The following PRR16 variants were observed in gnomAD, a reference collection of about 807,000 sequenced individuals.
PRR16 encodes the protein proline rich 16.
In PRR16, 6 loss-of-function variants were observed where a neutral mutation model predicts 18.2. The ratio of observed to expected loss-of-function variants is 0.33; its 90% CI spans 0.18 to 0.65. The LOEUF (loss-of-function observed/expected upper bound fraction) is 0.65. PRR16 is among the 30% of genes least tolerant of loss of function. The pLI is 0.74. For synonymous variants in PRR16, 151 were observed against 147.8 expected (o/e 1.02, Z -0.16); for missense variants, 412 against 376.6 (o/e 1.09, Z -0.78).
chr5:120,790,142 C>G, the PRR16 span: 1 of 152,130 alleles, frequency 6.6e-6, no homozygotes, highest in African/African-American at 2.4e-5. Flanking sequence ...ATAAAATCAT[C>G]TTCCTCTATC....
the PRR16 span, among the ~76,000 whole-genome samples, chr5:120,734,416 T>G: frequency 6.6e-6 from 1 of 152,194 alleles, no homozygotes; most frequent in East Asian, 1.9e-4. Context: ...TTCTTTTCAC[T>G]AGGAAGGAAA....
chr5:120,514,268 G>T (rs550658802), intron 1 of PRR16, among the ~76,000 whole-genome samples: 2 of 152,258 alleles, frequency 1.3e-5, no homozygotes, highest in African/African-American at 4.8e-5. Context: ...TTGCCTGGAA[G>T]TTCTCTGAAA....
At chr5:120,553,967 TTC>T (rs750403984) in intron 1 of PRR16, among the ~76,000 whole-genome samples, 8 of 151,966 alleles carry the variant, frequency 5.3e-5, no homozygotes, top group Non-Finnish European at 8.8e-5. Context: ...CTGCAGTAAA[TTC>T]TGTTTTGTTT....
intron 1 of PRR16, among the ~76,000 whole-genome samples, chr5:120,569,018 G>T (rs911870659): frequency 6.6e-6 from 1 of 151,756 alleles, no homozygotes; most frequent in African/African-American, 2.4e-5. Flanking sequence ...TGACCCTAGG[G>T]TCACATTAGA....
the PRR16 span, among the ~76,000 whole-genome samples, chr5:120,715,050 G>T: frequency 6.6e-6 from 1 of 151,696 alleles, no homozygotes; most frequent in Non-Finnish European, 1.5e-5. Flanking sequence ...AACCACCATG[G>T]CACACGTATA....
the PRR16 span, among the ~76,000 whole-genome samples, chr5:120,701,013 G>A: frequency 5.3e-5 from 8 of 152,122 alleles, no homozygotes; most frequent in Admixed American, 1.3e-4. Flanking sequence ...CCCGGGCTGC[G>A]GGCATTCCTT....
chr5:120,772,286 A>G, the PRR16 span, among the ~76,000 whole-genome samples: 1 of 151,890 alleles, frequency 6.6e-6, no homozygotes, highest in African/African-American at 2.4e-5. Flanking sequence ...TGCCTCTTCT[A>G]CTCCTCACTC....
intron 1 of PRR16, among the ~76,000 whole-genome samples, chr5:120,630,875 A>G (rs1001940970): frequency 1.3e-5 from 2 of 152,146 alleles, no homozygotes; most frequent in African/African-American, 4.8e-5. Context: ...TTTTAAGTAA[A>G]TCTAGATACG....
intron 1 of PRR16, among the ~76,000 whole-genome samples, chr5:120,675,954 C>A (rs1175135722): frequency 6.6e-6 from 1 of 151,988 alleles, no homozygotes; most frequent in Admixed American, 6.6e-5. Flanking sequence ...CACTTATATG[C>A]ATATTATAAA....
At chr5:120,568,656 T>A (rs990026208) in intron 1 of PRR16, among the ~76,000 whole-genome samples, 9 of 152,280 alleles carry the variant, frequency 5.9e-5, no homozygotes, top group South Asian at 4.1e-4. Context: ...TATAGTATTT[T>A]AAAATTTTGT....
chr5:120,486,359 G>T (rs1258911923), intron 1 of PRR16, among the ~76,000 whole-genome samples: 2 of 150,118 alleles, frequency 1.3e-5, no homozygotes, highest in Non-Finnish European at 3.0e-5. Context: ...GTGTCAGATG[G>T]TATCTCACTG....
At chr5:120,536,477 TC>T (rs1751719820) in intron 1 of PRR16, among the ~76,000 whole-genome samples, 2 of 152,214 alleles carry the variant, frequency 1.3e-5, no homozygotes, top group Admixed American at 6.5e-5. Flanking sequence ...GTTCAAAGAC[TC>T]CTACAGATGA....
chr5:120,576,830 C>A (rs949012716), intron 1 of PRR16, among the ~76,000 whole-genome samples: 2 of 152,090 alleles, frequency 1.3e-5, no homozygotes, highest in Non-Finnish European at 2.9e-5. Flanking sequence ...TCTCCTGGGT[C>A]TCCAGCTTGC....
the PRR16 span, among the ~76,000 whole-genome samples, chr5:120,726,185 A>T: frequency 1.3e-5 from 2 of 152,128 alleles, no homozygotes; most frequent in Non-Finnish European, 2.9e-5. Context: ...AAATATAAGG[A>T]AAGTTGGGAT....
intron 1 of PRR16, among the ~76,000 whole-genome samples, chr5:120,569,096 A>C (rs542303150): frequency 6.6e-6 from 1 of 152,036 alleles, no homozygotes. Context: ...TCCTGTTTTT[A>C]GGAGTTATTT....
At chr5:120,660,977 T>C (rs1756154443) in intron 1 of PRR16, among the ~76,000 whole-genome samples, 1 of 152,132 alleles carries the variant, frequency 6.6e-6, no homozygotes, top group Non-Finnish European at 1.5e-5. Flanking sequence ...ATCTGTGTTT[T>C]CTTAGATCTT....
chr5:120,470,595 T>G (rs1749236182), intron 1 of PRR16, among the ~76,000 whole-genome samples: 1 of 152,190 alleles, frequency 6.6e-6, no homozygotes, highest in Admixed American at 6.5e-5. Context: ...GTATTCTATT[T>G]ATTTCCAGCT....
chr5:120,788,526 A>G, the PRR16 span, among the ~76,000 whole-genome samples: 1 of 152,068 alleles, frequency 6.6e-6, no homozygotes, highest in Non-Finnish European at 1.5e-5. Flanking sequence ...TTGTTCATTA[A>G]TAACAGCTTG....
chr5:120,557,262 A>G (rs565748886), intron 1 of PRR16, among the ~76,000 whole-genome samples: 2 of 151,980 alleles, frequency 1.3e-5, no homozygotes, highest in Non-Finnish European at 2.9e-5. Context: ...AGTAGTAAGT[A>G]GGAAGTAATT....
Sources: allele counts gnomAD v4.1 joint callset (sites outside exome capture counted in the v4.1 genomes callset), GRCh38; gene constraint gnomAD v4.1.1; transcripts MANE v1.5; gene names NCBI Gene and HGNC (gene_info 2026-07-23, HGNC 2026-07-21).